The following DLG2 variants were observed in gnomAD, a reference collection of about 807,000 sequenced individuals.
DLG2 encodes the protein discs large MAGUK scaffold protein 2, also known as disks large homolog 2.
Under a neutral mutation model 132.5 loss-of-function variants are expected in DLG2, and 45 were observed. That is an observed-to-expected ratio of 0.34 (90% CI 0.27 to 0.44). DLG2 has a LOEUF of 0.44. Among genes scored for constraint, DLG2 ranks in the 20% least tolerant of loss-of-function variants. The pLI is 1.00. For synonymous variants in DLG2, 424 were observed against 419.6 expected (o/e 1.01, Z -0.13); for missense variants, 1,045 against 1,196.9 (o/e 0.87, Z 1.87).
At chr11:85,524,529 G>A (rs1441765020) in intron 3 of DLG2, among the ~76,000 whole-genome samples, 3 of 152,084 alleles carry the variant, frequency 2.0e-5, no homozygotes, top group Non-Finnish European at 4.4e-5. Context: ...ATCTTGCTTT[G>A]TTGACCAGGG....
intron 6 of DLG2, among the ~76,000 whole-genome samples, chr11:85,056,537 G>C (rs542067497): frequency 6.6e-6 from 1 of 152,122 alleles, no homozygotes; most frequent in South Asian, 2.1e-4. Flanking sequence ...CGAAGTGTGT[G>C]TCAATGGACT....
At chr11:83,540,580 G>T (rs978563795) in intron 20 of DLG2, among the ~76,000 whole-genome samples, 21 of 152,114 alleles carry the variant, frequency 1.4e-4, no homozygotes, top group African/African-American at 3.6e-4. Context: ...TGCGACCACA[G>T]GCAGAGAGAA....
Position 83,773,920 on chromosome 11 carries a change from C to A in DLG2, c.1825+12770G>T, listed in dbSNP as rs184223275. Among the ~76,000 whole-genome samples, 5 of 152,320 alleles carry A rather than the reference C, an allele frequency of 3.3e-5. No individual in the cohort carries two copies. The East Asian group carries it at 9.6e-4, about 29-fold the overall frequency. ...TTTTTTCATCCTAAGCACACAAATA[C>A]CTTAATCTGAAGAGCATTTCTTGCC... is the stretch of plus-strand genomic sequence containing the variant. On this transcript the variant is annotated intron_variant, in intron 18 of 27. Coordinates refer to ENST00000376104, the MANE Select transcript of DLG2 (RefSeq NM_001142699.3).
At chr11:83,773,529 T>A (rs2094475538) in intron 18 of DLG2, among the ~76,000 whole-genome samples, 1 of 152,222 alleles carries the variant, frequency 6.6e-6, no homozygotes, top group East Asian at 1.9e-4. Flanking sequence ...GAGTGTGTGT[T>A]TGTCTTTAGT....
chr11:84,319,549 C>A (rs1230085691), intron 7 of DLG2, among the ~76,000 whole-genome samples: 1 of 152,160 alleles, frequency 6.6e-6, no homozygotes, highest in South Asian at 2.1e-4. Flanking sequence ...AGACATAAGT[C>A]AGTGTGCATC....
rs115295891 is a variant in DLG2 at position 85,534,136 on chromosome 11, C to T, written c.40+64521G>A. On this transcript the variant is annotated intron_variant, in intron 3 of 27. Coordinates refer to ENST00000376104, the MANE Select transcript of DLG2 (RefSeq NM_001142699.3). ...CCGAGTAGCTGGGACTACAGGCAGG[C>T]GCAACCATGCCTGGCTAATTTTTGT... is the stretch of plus-strand genomic sequence containing the variant. 8.6e-3 allele frequency among the ~76,000 whole-genome samples: 1,310 copies of T among 152,038 alleles called. 13 individuals are homozygous for T. Among genetic ancestry groups the T allele is most frequent in the African/African-American group, 0.03 (1,233 of 41,484 alleles).
At chr11:83,560,116 T>C (rs1308889815) in intron 19 of DLG2, among the ~76,000 whole-genome samples, 69 of 151,078 alleles carry the variant, frequency 4.6e-4, no homozygotes, top group Admixed American at 2.0e-4. Flanking sequence ...GGCTGAACTT[T>C]GCTTTTTTTT....
At chr11:83,852,911 C>T (rs2060001053) in intron 16 of DLG2, among the ~76,000 whole-genome samples, 2 of 152,218 alleles carry the variant, frequency 1.3e-5, no homozygotes, top group South Asian at 4.1e-4. Flanking sequence ...TCTACCCAGA[C>T]TCCTGCCCTT....
chr11:84,970,033 G>A (rs1057196011), intron 6 of DLG2, among the ~76,000 whole-genome samples: 2 of 152,096 alleles, frequency 1.3e-5, no homozygotes, highest in African/African-American at 4.8e-5. Context: ...GGGGGGCTAG[G>A]AGAGGGATAG....
At chr11:84,349,853 G>A (rs761943603) in intron 7 of DLG2, among the ~76,000 whole-genome samples, 6 of 122,702 alleles carry the variant, frequency 4.9e-5, no homozygotes, top group Non-Finnish European at 8.2e-5. Context: ...TATATATATC[G>A]CTAAGATGAA....
rs1175214055 is a variant in DLG2, at chr11:83,857,436, T to C, written c.1565+16984A>G. 3.9e-5 allele frequency among the ~76,000 whole-genome samples: 6 copies of C among 152,210 alleles called. No individual in the cohort carries two copies. The East Asian group carries it at 1.2e-3, about 29-fold the overall frequency. On this transcript the variant is annotated intron_variant, in intron 16 of 27. Coordinates refer to ENST00000376104, the MANE Select transcript of DLG2 (RefSeq NM_001142699.3). Reference sequence around the variant, plus strand: ...TTGCTGTTTTAATGATATTGATTCTTCCTATCCATGAACATGGAATGTTTT... The same window carrying C: ...TTGCTGTTTTAATGATATTGATTCTCCCTATCCATGAACATGGAATGTTTT...
At chr11:83,967,740 A>G (rs2090518776) in intron 12 of DLG2, among the ~76,000 whole-genome samples, 3 of 151,930 alleles carry the variant, frequency 2.0e-5, no homozygotes, top group Admixed American at 2.0e-4. Flanking sequence ...AGTCCTATTT[A>G]TTTTTCCTTT....
intron 6 of DLG2, among the ~76,000 whole-genome samples, chr11:84,587,806 T>C (rs1046929414): frequency 5.3e-5 from 8 of 152,202 alleles, no homozygotes; most frequent in African/African-American, 1.9e-4. Flanking sequence ...GTCCATGCTA[T>C]TTAGCTCTAT....
chr11:83,842,624 C>T (rs1408587468), intron 16 of DLG2, among the ~76,000 whole-genome samples: 1 of 150,010 alleles, frequency 6.7e-6, no homozygotes, highest in African/African-American at 2.5e-5. Context: ...GTCAGGATAT[C>T]GAGACCACGG....
chr11:83,510,071 G>A (rs755083513), intron 21 of DLG2, among the ~76,000 whole-genome samples: 1 of 152,290 alleles, frequency 6.6e-6, no homozygotes, highest in African/African-American at 2.4e-5. Flanking sequence ...TTATCTATGT[G>A]AGCTTAGGAA....
intron 6 of DLG2, among the ~76,000 whole-genome samples, chr11:85,069,473 C>G (rs940414886): frequency 6.6e-6 from 1 of 152,002 alleles, no homozygotes; most frequent in Non-Finnish European, 1.5e-5. Flanking sequence ...ACAAACAACC[C>G]CATCAAAAAG....
chr11:84,750,675 T>G (rs1040253789), intron 6 of DLG2, among the ~76,000 whole-genome samples: 2 of 152,178 alleles, frequency 1.3e-5, no homozygotes, highest in Non-Finnish European at 2.9e-5. Context: ...ATTTCCCAGT[T>G]TTATTACATG....
intron 3 of DLG2, among the ~76,000 whole-genome samples, chr11:85,537,498 C>T (rs2075672663): frequency 6.6e-6 from 1 of 151,228 alleles, no homozygotes; most frequent in African/African-American, 2.4e-5. Context: ...TGAACAACTC[C>T]AGACAGGAGG....
At chr11:83,949,969 T>C (rs1265105751) in intron 14 of DLG2, among the ~76,000 whole-genome samples, 2 of 152,214 alleles carry the variant, frequency 1.3e-5, no homozygotes, top group Non-Finnish European at 2.9e-5. Flanking sequence ...AGTTCCCAGA[T>C]GTTAAGCCTA....
Sources: gnomAD v4.1 joint callset for allele counts (sites outside exome capture counted in the v4.1 genomes callset) on GRCh38, gnomAD v4.1.1 for gene constraint, MANE v1.5 for transcripts, NCBI Gene and HGNC (gene_info 2026-07-23, HGNC 2026-07-21) for gene names.